HNRNPM: variants seen among roughly 807,000 people sequenced by gnomAD.
The protein encoded by HNRNPM is CEA receptor.
Under a neutral mutation model 73.1 loss-of-function variants are expected in HNRNPM, and 11 were observed. The observed-to-expected ratio is 0.15, with a 90% CI of 0.09 to 0.25. HNRNPM has a LOEUF of 0.25. Ranked by LOEUF, HNRNPM falls within the 10% of genes least tolerant of loss-of-function variation. The pLI is 1.00. For synonymous variants in HNRNPM, 407 were observed against 355.2 expected, an observed-to-expected ratio of 1.15 and a Z score of -1.64; for missense variants, 789 against 1,067.9, an observed-to-expected ratio of 0.74 and a Z score of 3.64.
chr19:8,463,417 CTG>C (rs1969522882), intron 3 of HNRNPM, 78 bp from the exon 4 acceptor site: 10 of 1,391,272 alleles, frequency 7.2e-6, no homozygotes, highest in Non-Finnish European at 1.0e-5. Context: ...TTGTTTATAA[CTG>C]TCATTGATAT....
At chr19:8,464,893 T>C (rs1228170771) in intron 5 of HNRNPM, among the ~76,000 whole-genome samples, 1 of 152,088 alleles carries the variant, frequency 6.6e-6, no homozygotes, top group Non-Finnish European at 1.5e-5. Flanking sequence ...TGGGGGCGCT[T>C]GTGTGGTCTA....
At chr19:8,463,320 AAGGCG>A (rs574785067) in intron 3 of HNRNPM, among the ~76,000 whole-genome samples, 172 bp from the exon 4 acceptor site, 5 of 152,340 alleles carry the variant, frequency 3.3e-5, no homozygotes, top group African/African-American at 4.8e-5. Context: ...TTTAACAAGG[AAGGCG>A]AGGCGAGGCA....
chr19:8,463,479 C>G lies in HNRNPM; in HGVS notation c.337-18C>G, dbSNP rs1407911306. On this transcript the variant is annotated intron_variant, in intron 3 of 15. Transcript: ENST00000325495. ...CCCCTTCCTTGCTCTTCTGACTGGT[C>G]TCTGGCTTCCTCCAAAGGGATGTGC... 3.1e-6 allele frequency: 5 copies of G among 1,613,550 alleles called. No homozygotes were observed. Among genetic ancestry groups the G allele is most frequent in the Non-Finnish European group, 4.2e-6 (5 of 1,179,652 alleles).
chr19:8,465,889 G>A (rs1238666548), intron 6 of HNRNPM, among the ~76,000 whole-genome samples: 2 of 152,106 alleles, frequency 1.3e-5, no homozygotes, highest in African/African-American at 4.8e-5. Context: ...CATCTGCAAG[G>A]GGAAATATTT....
At chr19:8,450,854 C>G (rs1599746162) in intron 1 of HNRNPM, among the ~76,000 whole-genome samples, 1 of 150,818 alleles carries the variant, frequency 6.6e-6, no homozygotes, top group African/African-American at 2.4e-5. Flanking sequence ...TCCCAAGTAG[C>G]GAGTAGCTAG....
At chr19:8,467,806 C>T (rs1599794707) in intron 8 of HNRNPM, among the ~76,000 whole-genome samples, 1 of 152,218 alleles carries the variant, frequency 6.6e-6, no homozygotes, top group East Asian at 1.9e-4. Flanking sequence ...GCAGGCGGAT[C>T]ATGAGGTCAG....
chr19:8,477,188 G>T (rs928861837), intron 12 of HNRNPM, among the ~76,000 whole-genome samples: 1 of 152,114 alleles, frequency 6.6e-6, no homozygotes, highest in Non-Finnish European at 1.5e-5. Flanking sequence ...TCTCAGCATG[G>T]GAGGGAGAGA....
intron 1 of HNRNPM, among the ~76,000 whole-genome samples, chr19:8,454,117 C>T (rs1388128856): frequency 6.6e-6 from 1 of 152,066 alleles, no homozygotes; most frequent in Admixed American, 6.6e-5. Flanking sequence ...TAAAATAGAC[C>T]ATTTTAACCA....
chr19:8,445,043 G>T lies in HNRNPM; in HGVS notation c.45G>T (p.Glu15Asp). The T allele has an allele frequency of 7.0e-7, 1 of 1,431,886 alleles. No individual in the cohort carries two copies. Among genetic ancestry groups the T allele is most frequent in the Non-Finnish European group, 9.1e-7 (1 of 1,096,882 alleles). 88.7% of individuals were successfully genotyped at this position (1,431,886 alleles called of 1,614,324 possible). The part of the protein sequence containing the change: ...VEAAAEVAAT[E>D]IKMEEESGAP... The stretch of plus-strand genomic sequence containing the variant: ...CGGCGGCGGAGGTGGCGGCGACGGA[G>T]ATCAAAATGGAGGAAGAGAGCGGCG... Residue 15 changes from glutamate to aspartate, a missense_variant, in exon 1 of 16, where the codon GAG (glutamate) becomes GAT (aspartate). This residue lies in a region of HNRNPM where 79 missense variants were observed against 70.7 expected (regional missense o/e 1.12). Transcript: ENST00000325495.
rs188382438 is a variant in HNRNPM at position 8,448,497 on chromosome 19, G to A, written c.113+3386G>A. On this transcript the variant is annotated intron_variant, in intron 1 of 15. Transcript: ENST00000325495. ...AATTTTTTTTTTTTTTTGAGATGGA[G>A]TCTCGCTCTGTTGCCCAGGCTGGAG... Among the ~76,000 whole-genome samples the A allele has an allele frequency of 1.5e-3, 205 of 138,938 alleles. 1 individual carries two copies. The highest frequency in any genetic ancestry group is 5.2e-3 in the African/African-American group (191 of 37,064). 91.1% of individuals were successfully genotyped at this position (138,938 alleles called of 152,430 possible).
At chr19:8,450,688 C>T (rs375303829) in intron 1 of HNRNPM, among the ~76,000 whole-genome samples, 5 of 149,722 alleles carry the variant, frequency 3.3e-5, no homozygotes, top group Non-Finnish European at 1.5e-5. Context: ...AGGCATTAAT[C>T]GTATTTTTAA....
At position 8,448,320 on chromosome 19, in the gene HNRNPM, G is replaced by A. The variant is rs182924964; in HGVS notation, c.113+3209G>A. ...AGGATTTGCTTAATTTTGATGAGAA[G>A]TCTGTTCCAATTAAAGTCAGCAAAG... is the stretch of plus-strand genomic sequence containing the variant. On this transcript the variant is annotated intron_variant, in intron 1 of 15. Transcript: ENST00000325495. 2.1e-3 allele frequency among the ~76,000 whole-genome samples: 326 copies of A among 152,138 alleles called. 1 individual carries two copies. The highest frequency in any genetic ancestry group is 7.5e-3 in the African/African-American group (311 of 41,504).
intron 1 of HNRNPM, among the ~76,000 whole-genome samples, chr19:8,451,542 C>T (rs1337027179): frequency 1.3e-5 from 2 of 152,002 alleles, no homozygotes; most frequent in Non-Finnish European, 2.9e-5. Context: ...CTTCCCCTTC[C>T]CCTTCCCTTG....
At chr19:8,469,705 C>T (rs1969998951) in intron 9 of HNRNPM, among the ~76,000 whole-genome samples, 1 of 152,190 alleles carries the variant, frequency 6.6e-6, no homozygotes, top group Non-Finnish European at 1.5e-5. Flanking sequence ...ATCACTGGCG[C>T]AGGTAAAGCT....
chr19:8,466,146 A>T, intron 6 of HNRNPM, 89 bp from the exon 7 acceptor site: 1 of 1,304,180 alleles, frequency 7.7e-7, no homozygotes, highest in Non-Finnish European at 1.1e-6. Flanking sequence ...ACTTTTTTCC[A>T]ACCAAAGCAT....
chr19:8,479,931 T>C (rs1207896644), intron 12 of HNRNPM, among the ~76,000 whole-genome samples: 3 of 148,382 alleles, frequency 2.0e-5, no homozygotes, highest in African/African-American at 7.4e-5. Flanking sequence ...CGTGCCCCCA[T>C]GTCCGGCTAA....
chr19:8,480,343 CA>C (rs112165621), intron 12 of HNRNPM, among the ~76,000 whole-genome samples: 57 of 108,624 alleles, frequency 5.2e-4, no homozygotes, highest in African/African-American at 1.4e-3. Flanking sequence ...GACTCCATCT[CA>C]AAAAAAAAAA....
At chr19:8,464,737 A>G (rs1467470324) in intron 5 of HNRNPM, among the ~76,000 whole-genome samples, 1 of 152,134 alleles carries the variant, frequency 6.6e-6, no homozygotes, top group Non-Finnish European at 1.5e-5. Flanking sequence ...ATGTGTTATG[A>G]TGTCTTTTTT....
chr19:8,462,739 T>A lies in HNRNPM; in HGVS notation c.336+158T>A. ...CATTTGAGTGGGGTGGGAGGGGATTTGCAAATGGGAGTCCCGCTTTTCCAA... is the reference window on the plus strand; with the variant it reads ...CATTTGAGTGGGGTGGGAGGGGATTAGCAAATGGGAGTCCCGCTTTTCCAA... On this transcript the variant is annotated intron_variant, in intron 3 of 15. Coordinates refer to ENST00000325495, the MANE Select transcript of HNRNPM (RefSeq NM_005968.5). This position sits in a 1 kb window ranked among gnomAD's most constrained non-coding sequence, Gnocchi z 4.5. 1 of 680,788 alleles carries A rather than the reference T, an allele frequency of 1.5e-6. No homozygotes were observed. The allele number at this position is 680,788 out of a possible 1,614,324, so 42.2% of individuals were successfully genotyped here. A position where few individuals can be genotyped will look rare whatever the true frequency, so the allele number is the denominator to read the frequency against.
Sources: gnomAD v4.1 joint callset for allele counts (sites outside exome capture counted in the v4.1 genomes callset) on GRCh38, gnomAD v4.1.1 for gene constraint, gnomAD v4.1.1 regional missense constraint, Gnocchi (gnomAD v3.1) non-coding constraint, MANE v1.5 for transcripts, NCBI Gene and HGNC (gene_info 2026-07-23, HGNC 2026-07-21) for gene names.